Variants in PHF20 observed in about 807,000 individuals in gnomAD.
PHF20 encodes glioma-expressed antigen 2.
A neutral mutation model predicts 113.5 loss-of-function variants in PHF20; 23 were observed. The ratio of observed to expected loss-of-function variants is 0.20; its 90% CI spans 0.15 to 0.29. The LOEUF (loss-of-function observed/expected upper bound fraction) is 0.29, where lower values mean the gene tolerates loss of function less well. PHF20 is among the 10% of genes least tolerant of loss of function. The pLI is 1.00. For synonymous variants in PHF20, 434 were observed against 457.3 expected (o/e 0.95, Z 0.65); for missense variants, 943 against 1,219.6 (o/e 0.77, Z 3.38).
chr20:35,872,009 AG>A (rs996531881), intron 9 of PHF20, 180 bp downstream of exon 9: 5 of 445,306 alleles, frequency 1.1e-5, no homozygotes, highest in African/African-American at 1.0e-4. Context: ...TCCCTCTCTT[AG>A]TATGACTAGG....
At chr20:35,853,901 C>A (rs2042783050) in intron 4 of PHF20, among the ~76,000 whole-genome samples, 1 of 151,962 alleles carries the variant, frequency 6.6e-6, no homozygotes, top group Non-Finnish European at 1.5e-5. Context: ...ATTACAGGCA[C>A]TCACCATCAT....
intron 12 of PHF20, among the ~76,000 whole-genome samples, chr20:35,914,992 T>TTA (rs896778172): frequency 9.5e-5 from 14 of 147,772 alleles, no homozygotes; most frequent in Non-Finnish European, 1.3e-4. Context: ...GTAAAATATG[T>TTA]TATATATATA....
rs1470153863 is a variant in PHF20, at chr20:35,855,216, T to C, written c.341-3086T>C. ...GGGTTCTGTTTAGAATTCCATAGCATTGTTTATCATAACTGCTTTGCTTGC... is the reference window on the plus strand; with the variant it reads ...GGGTTCTGTTTAGAATTCCATAGCACTGTTTATCATAACTGCTTTGCTTGC... On this transcript the variant is annotated intron_variant, in intron 4 of 17. Coordinates refer to ENST00000374012, the MANE Select transcript of PHF20 (RefSeq NM_016436.5). 42 of 1,299,568 alleles carry C rather than the reference T, an allele frequency of 3.2e-5. No homozygotes were observed. In the Admixed American group the frequency reaches 8.8e-4, roughly 27 times the overall value. 80.5% of individuals were successfully genotyped at this position (1,299,568 alleles called of 1,614,324 possible).
chr20:35,859,017 A>G (rs985755748), intron 5 of PHF20, among the ~76,000 whole-genome samples: 5 of 152,192 alleles, frequency 3.3e-5, no homozygotes, highest in Non-Finnish European at 5.9e-5. Context: ...GCTGTTAGCC[A>G]TACAGGAAAC....
At chr20:35,850,208 G>A (rs1211272010) in intron 4 of PHF20, among the ~76,000 whole-genome samples, 5 of 149,652 alleles carry the variant, frequency 3.3e-5, no homozygotes, top group African/African-American at 4.9e-5. Flanking sequence ...TAAAAGATGG[G>A]TTTCTACTTT....
chr20:35,785,539 C>T (rs1395817312), intron 1 of PHF20, among the ~76,000 whole-genome samples: 1 of 151,566 alleles, frequency 6.6e-6, no homozygotes, highest in Non-Finnish European at 1.5e-5. Context: ...AGGCTGGTCT[C>T]GAACTCCTGA....
chr20:35,818,270 G>A lies in PHF20; in HGVS notation c.83+16665G>A, dbSNP rs879551679. Among the ~76,000 whole-genome samples the A allele has an allele frequency of 1.5e-3, 222 of 151,974 alleles. 5 individuals are homozygous for A. The highest frequency in any genetic ancestry group is 0.014 in the Admixed American group (213 of 15,264). On this transcript the variant is annotated intron_variant, in intron 2 of 17. Transcript: ENST00000374012. ...AGCCTGGGTGACAGAGCAAGACTCCGTCTCAAAAAACAAAACAAAACAAAA... is the reference window on the plus strand; with the variant it reads ...AGCCTGGGTGACAGAGCAAGACTCCATCTCAAAAAACAAAACAAAACAAAA...
At chr20:35,898,795 G>A (rs939071062) in intron 9 of PHF20, among the ~76,000 whole-genome samples, 2 of 152,202 alleles carry the variant, frequency 1.3e-5, no homozygotes, top group African/African-American at 2.4e-5. Flanking sequence ...ATTTTTAGTA[G>A]AGACAGGGTT....
chr20:35,877,320 CAA>C (rs565600863), intron 9 of PHF20, among the ~76,000 whole-genome samples: 6 of 67,524 alleles, frequency 8.9e-5, no homozygotes, highest in Admixed American at 1.5e-4. Context: ...GACTCCATCT[CAA>C]AAAAAAAAAA....
intron 10 of PHF20, among the ~76,000 whole-genome samples, chr20:35,907,193 A>G (rs998086900): frequency 2.0e-5 from 3 of 152,130 alleles, no homozygotes; most frequent in African/African-American, 7.2e-5. Flanking sequence ...CGGCGGTCTG[A>G]TGACAGTTGT....
chr20:35,893,059 T>C (rs2054905633), intron 9 of PHF20, among the ~76,000 whole-genome samples: 1 of 152,256 alleles, frequency 6.6e-6, no homozygotes, highest in South Asian at 2.1e-4. Flanking sequence ...CCGTGCTCAC[T>C]TGAGCCTCTC....
rs367603492 is a variant in PHF20 at position 35,933,263 on chromosome 20, C to T, written c.2300+1819C>T. ...TTTTTTTTTTTCTGAGACAGAGCCTCGCTCTGTCACCCAGGCTGGAGTGCA... is the reference window on the plus strand; with the variant it reads ...TTTTTTTTTTTCTGAGACAGAGCCTTGCTCTGTCACCCAGGCTGGAGTGCA... On this transcript the variant is annotated intron_variant, in intron 15 of 17. Transcript: ENST00000374012. Among the ~76,000 whole-genome samples, 163 of 151,364 alleles carry T rather than the reference C, an allele frequency of 1.1e-3. 1 individual carries two copies. In the East Asian group the frequency reaches 0.02, roughly 18 times the overall value.
chr20:35,791,712 C>T (rs576699961), intron 1 of PHF20, among the ~76,000 whole-genome samples: 2 of 151,736 alleles, frequency 1.3e-5, no homozygotes, highest in East Asian at 3.9e-4. Context: ...CTGGAGTAAT[C>T]AAGATTAGAA....
chr20:35,945,751 G>A (rs1297965565), intron 17 of PHF20, among the ~76,000 whole-genome samples: 5 of 152,112 alleles, frequency 3.3e-5, no homozygotes, highest in Non-Finnish European at 5.9e-5. Flanking sequence ...AGAGCTTTAG[G>A]GGGTAGCTTA....
chr20:35,797,627 G>GT (rs200645750), intron 1 of PHF20, among the ~76,000 whole-genome samples: 3 of 149,476 alleles, frequency 2.0e-5, no homozygotes, highest in South Asian at 2.1e-4. Context: ...TTCTTTGGTG[G>GT]TTTTTTTTGT....
chr20:35,944,404 C>T (rs984817214), intron 17 of PHF20, among the ~76,000 whole-genome samples: 1 of 152,070 alleles, frequency 6.6e-6, no homozygotes, highest in Non-Finnish European at 1.5e-5. Flanking sequence ...ACCGTAGTAT[C>T]GGGATGTCTT....
intron 2 of PHF20, among the ~76,000 whole-genome samples, chr20:35,809,049 A>C (rs1180484967): frequency 1.3e-5 from 2 of 150,048 alleles, no homozygotes; most frequent in African/African-American, 4.9e-5. Context: ...TCAGGAGTTC[A>C]AGACCAGCAT....
intron 10 of PHF20, among the ~76,000 whole-genome samples, chr20:35,906,646 G>A (rs556000571): frequency 3.1e-4 from 47 of 152,314 alleles, no homozygotes; most frequent in Non-Finnish European, 5.3e-4. Context: ...TTATCTTTCA[G>A]CTGCTGGGAA....
At chr20:35,928,177 G>A (rs1315701359) in intron 14 of PHF20, among the ~76,000 whole-genome samples, 2 of 152,212 alleles carry the variant, frequency 1.3e-5, no homozygotes, top group East Asian at 3.9e-4. Context: ...AGTGGCTCAC[G>A]CCTGTAATCC....
Sources: gnomAD v4.1 joint callset for allele counts (sites outside exome capture counted in the v4.1 genomes callset) on GRCh38, gnomAD v4.1.1 for gene constraint, MANE v1.5 for transcripts, NCBI Gene and HGNC (gene_info 2026-07-23, HGNC 2026-07-21) for gene names.